The following PCSK5 variants were observed in gnomAD, a reference collection of about 807,000 sequenced individuals.
The protein encoded by PCSK5 is prohormone convertase 5.
Under a neutral mutation model 233.2 loss-of-function variants are expected in PCSK5, and 129 were observed. The ratio of observed to expected loss-of-function variants is 0.55; its 90% CI spans 0.48 to 0.64. PCSK5 has a LOEUF of 0.64. PCSK5 is among the 30% of genes least tolerant of loss of function. PCSK5 has a pLI of 0.00. For missense variants in PCSK5, 2,076 were observed against 2,430.1 expected (o/e 0.85, Z 3.06); for synonymous variants, 825 against 879.2 (o/e 0.94, Z 1.09).
At chr9:75,936,788 G>C (rs1212950310) in intron 2 of PCSK5, among the ~76,000 whole-genome samples, 1 of 152,106 alleles carries the variant, frequency 6.6e-6, no homozygotes, top group Admixed American at 6.5e-5. Context: ...ATTCTTAATA[G>C]CATCTAGAAT....
rs61744750 is a variant in PCSK5, at chr9:76,310,849, G to C, written c.3882G>C (p.Pro1294=). 1 of 1,574,956 alleles carries C rather than the reference G, an allele frequency of 6.3e-7. No individual in the cohort carries two copies. The highest frequency in any genetic ancestry group is 1.2e-5 in the South Asian group (1 of 85,436). The part of the protein sequence containing the change: ...LHEGRCYSKC[P]EGSYAEDGIC... ...AAGGCAGGTGCTACTCCAAGTGCCC[G>C]GAGTAAGTTTCCTTTTTAATTTTAC... Residue 1294 remains proline, a splice_region_variant and synonymous_variant, in exon 30 of 38, where the codon CCG becomes CCC. Coordinates refer to ENST00000674117, the MANE Select transcript of PCSK5 (RefSeq NM_001372043.1).
At chr9:76,320,212 G>A (rs1167329953) in intron 30 of PCSK5, among the ~76,000 whole-genome samples, 1 of 151,922 alleles carries the variant, frequency 6.6e-6, no homozygotes, top group East Asian at 2.0e-4. Context: ...AGCACCGTAG[G>A]CTGGACCCTA....
intron 14 of PCSK5, among the ~76,000 whole-genome samples, chr9:76,177,019 G>A (rs1339381017): frequency 6.6e-6 from 1 of 152,192 alleles, no homozygotes; most frequent in Admixed American, 6.5e-5. Flanking sequence ...GCCAGGTGCG[G>A]TGGCCCACGC....
intron 2 of PCSK5, among the ~76,000 whole-genome samples, chr9:75,975,897 A>G (rs149927015): frequency 7.0e-4 from 106 of 152,338 alleles, no homozygotes; most frequent in African/African-American, 2.4e-3. Flanking sequence ...TTTTTCATGC[A>G]GTGATGATTT....
At chr9:76,335,218 G>T (rs192280140) in intron 34 of PCSK5, among the ~76,000 whole-genome samples, 118 of 152,268 alleles carry the variant, frequency 7.7e-4, no homozygotes, top group African/African-American at 2.6e-3. Context: ...ACACAAAAAG[G>T]GTGCTTGATC....
intron 28 of PCSK5, among the ~76,000 whole-genome samples, chr9:76,304,360 A>G (rs1828709656): frequency 6.6e-6 from 1 of 152,234 alleles, no homozygotes; most frequent in Non-Finnish European, 1.5e-5. Context: ...AGTTTCATCT[A>G]TGGCAAGGCT....
intron 1 of PCSK5, among the ~76,000 whole-genome samples, 180 bp downstream of exon 1, chr9:75,891,553 A>G (rs545435821): frequency 1.8e-4 from 27 of 151,322 alleles, no homozygotes; most frequent in Non-Finnish European, 3.1e-4. Flanking sequence ...ACACACACAC[A>G]CACACACACA....
At chr9:76,326,723 G>A (rs1317442070) in intron 32 of PCSK5, among the ~76,000 whole-genome samples, 2 of 152,226 alleles carry the variant, frequency 1.3e-5, no homozygotes, top group Non-Finnish European at 2.9e-5. Flanking sequence ...TGCTCTTTCA[G>A]GTCTGGGGAA....
chr9:76,297,153 G>A (rs534308332), intron 27 of PCSK5, among the ~76,000 whole-genome samples: 10 of 152,290 alleles, frequency 6.6e-5, no homozygotes, highest in Admixed American at 4.6e-4. Context: ...CCGGAAGCAA[G>A]TGAAGAGAGT....
intron 36 of PCSK5, among the ~76,000 whole-genome samples, chr9:76,353,280 A>AGG (rs560547040): frequency 8.7e-4 from 132 of 152,304 alleles, no homozygotes; most frequent in African/African-American, 3.0e-3. Context: ...TCAAGGAGCA[A>AGG]CTTGTCGGGA....
In PCSK5 at chr9:76,190,979, C is replaced by T. The variant is rs114492149; in HGVS notation, c.2626+1233C>T. ...AACAATTTAGCTAATACCAAGTTTC[C>T]TCACCTCTCTAGCCTCAGTTTCCCC... is the stretch of plus-strand genomic sequence containing the variant. On this transcript the variant is annotated intron_variant, in intron 20 of 37. Coordinates refer to ENST00000674117, the MANE Select transcript of PCSK5 (RefSeq NM_001372043.1). Among the ~76,000 whole-genome samples the T allele has an allele frequency of 1.2e-3, 184 of 152,236 alleles. 1 individual carries two copies. The highest frequency in any genetic ancestry group is 4.2e-3 in the African/African-American group (173 of 41,556).
chr9:75,980,004 G>A (rs927044614), intron 2 of PCSK5, among the ~76,000 whole-genome samples: 4 of 152,180 alleles, frequency 2.6e-5, no homozygotes, highest in African/African-American at 7.2e-5. Flanking sequence ...TCTTGAGGGT[G>A]GAAAGCACAT....
chr9:76,061,354 C>T (rs1335018316), intron 5 of PCSK5, among the ~76,000 whole-genome samples: 1 of 151,874 alleles, frequency 6.6e-6, no homozygotes, highest in Non-Finnish European at 1.5e-5. Context: ...TTATTGATAC[C>T]AAAAGATAAC....
intron 21 of PCSK5, 58 bp from the exon 22 acceptor site, chr9:76,233,402 C>G: frequency 1.3e-6 from 2 of 1,575,278 alleles, no homozygotes; most frequent in South Asian, 1.1e-5. Context: ...TGTTCTGATA[C>G]TTAGGGCCAC....
chr9:76,100,998 T>C (rs1483496576), intron 8 of PCSK5, among the ~76,000 whole-genome samples: 2 of 152,168 alleles, frequency 1.3e-5, no homozygotes, highest in Non-Finnish European at 2.9e-5. Flanking sequence ...TCAAAGAGGA[T>C]TTTCTTCATC....
chr9:75,935,408 C>T (rs956507754), intron 2 of PCSK5, among the ~76,000 whole-genome samples: 1 of 152,168 alleles, frequency 6.6e-6, no homozygotes, highest in Non-Finnish European at 1.5e-5. Context: ...CATATATATA[C>T]ATTTTCTGAA....
chr9:76,065,475 G>A (rs1207815469), intron 5 of PCSK5, among the ~76,000 whole-genome samples: 1 of 152,006 alleles, frequency 6.6e-6, no homozygotes, highest in African/African-American at 2.4e-5. Context: ...TGTGAAATGT[G>A]TATTCAAATC....
chr9:76,104,399 C>T (rs965764461), intron 8 of PCSK5, among the ~76,000 whole-genome samples: 3 of 152,082 alleles, frequency 2.0e-5, no homozygotes, highest in Non-Finnish European at 2.9e-5. Context: ...TCCTACTCAC[C>T]AGTCAAGTTT....
At chr9:75,986,058 A>G in intron 2 of PCSK5, 74 bp from the exon 3 acceptor site, 1 of 856,846 alleles carries the variant, frequency 1.2e-6, no homozygotes, top group South Asian at 1.5e-5. Context: ...ACAATGGGAA[A>G]TGCCTCAGAC....
Sources: allele counts gnomAD v4.1 joint callset (sites outside exome capture counted in the v4.1 genomes callset), GRCh38; gene constraint gnomAD v4.1.1; transcripts MANE v1.5; gene names NCBI Gene and HGNC (gene_info 2026-07-23, HGNC 2026-07-21).